Variants in HNF4A observed in about 807,000 individuals in gnomAD.
HNF4A encodes the protein hepatocyte nuclear factor 4-alpha.
In HNF4A, 15 loss-of-function variants were observed where a neutral mutation model predicts 52.4. The ratio of observed to expected loss-of-function variants is 0.29; its 90% confidence interval spans 0.19 to 0.44. HNF4A has a LOEUF of 0.44. Ranked by LOEUF, HNF4A falls within the 20% of genes least tolerant of loss-of-function variation. HNF4A has a pLI of 1.00. For synonymous variants in HNF4A, 280 were observed against 264.4 expected, an observed-to-expected ratio of 1.06 and a Z score of -0.57; for missense variants, 479 against 647.2, an observed-to-expected ratio of 0.74 and a Z score of 2.82.
intron 9 of HNF4A, among the ~76,000 whole-genome samples, chr20:44,428,921 CA>C (rs1370743374): frequency 6.6e-6 from 1 of 152,108 alleles, no homozygotes; most frequent in Non-Finnish European, 1.5e-5. Context: ...TGTCATTGGG[CA>C]AAGCTCTTCA....
intron 6 of HNF4A, among the ~76,000 whole-genome samples, chr20:44,419,285 T>A (rs1426171675): frequency 6.6e-6 from 1 of 152,228 alleles, no homozygotes; most frequent in East Asian, 1.9e-4. Context: ...GCTCGATTAT[T>A]TATCCTCATC....
chr20:44,369,241 C>T (rs2063004976), intron 1 of HNF4A, among the ~76,000 whole-genome samples: 1 of 103,532 alleles, frequency 9.7e-6, no homozygotes, highest in Admixed American at 1.2e-4. Context: ...AAGAGCAAAA[C>T]TCCATCTCAA....
intron 7 of HNF4A, among the ~76,000 whole-genome samples, chr20:44,420,632 T>A (rs1033464431): frequency 6.6e-6 from 1 of 151,818 alleles, no homozygotes; most frequent in Non-Finnish European, 1.5e-5. Context: ...CTAAAAAAAA[T>A]TAGCCAGGGA....
At chr20:44,426,563 G>T (rs569169574) in intron 8 of HNF4A, among the ~76,000 whole-genome samples, 6 of 152,184 alleles carry the variant, frequency 3.9e-5, no homozygotes, top group East Asian at 1.9e-4. Flanking sequence ...TAGCACTTTG[G>T]GAGGCCGAGG....
chr20:44,407,296 G>A, intron 2 of HNF4A, 85 bp from the exon 3 acceptor site: 1 of 987,200 alleles, frequency 1.0e-6, no homozygotes, highest in Non-Finnish European at 1.6e-6. Flanking sequence ...AGGTTGGGGG[G>A]TCAACTGGAT....
chr20:44,377,088 T>C lies in HNF4A; in HGVS notation c.49+21235T>C, dbSNP rs114472711. 3.6e-3 allele frequency among the ~76,000 whole-genome samples: 548 copies of C among 152,162 alleles called. 9 individuals are homozygous for C. The highest frequency in any genetic ancestry group is 0.012 in the African/African-American group (493 of 41,508). On this transcript the variant is annotated intron_variant, in intron 1 of 9. Coordinates refer to the HNF4A transcript ENST00000316673. ...AAATAGATAAAATGCTGTGTATCCATGAAGTACTATACAGTCATAAAAAAG... is the reference window on the plus strand; with the variant it reads ...AAATAGATAAAATGCTGTGTATCCACGAAGTACTATACAGTCATAAAAAAG...
chr20:44,414,603 G>T lies in HNF4A; in HGVS notation c.589G>T (p.Val197Phe). The T allele has an allele frequency of 1.9e-6, 3 of 1,614,142 alleles. No individual in the cohort carries two copies. The highest frequency in any genetic ancestry group is 2.5e-6 in the Non-Finnish European group (3 of 1,180,002). ...TGAGTCCATGAAGGAGCAGCTGCTG[G>T]TTCTCGTTGAGTGGGCCAAGTACAT... The change falls in exon 5 of 10, where the codon GTT (valine) becomes TTT (phenylalanine). Residue 197 changes from valine to phenylalanine, a missense_variant. Val to Phe is a conservative substitution (Grantham distance 50). Around this residue, in one of 3 missense-constraint regions of HNF4A, gnomAD observed 389 missense variants for 525.1 expected, o/e 0.74. Coordinates refer to ENST00000316099, the MANE Select transcript of HNF4A (RefSeq NM_000457.6).
chr20:44,377,432 G>A (rs2063097465), intron 1 of HNF4A, among the ~76,000 whole-genome samples: 2 of 152,024 alleles, frequency 1.3e-5, no homozygotes, highest in South Asian at 2.1e-4. Flanking sequence ...CTCCTGATTC[G>A]AAAATAAAAG....
chr20:44,428,571 T>A, intron 9 of HNF4A, 84 bp downstream of exon 9: 1 of 1,367,710 alleles, frequency 7.3e-7, no homozygotes. Flanking sequence ...GTCTAGAAGG[T>A]AGAACCAGGA....
At chr20:44,370,611 C>A (rs2146203834) in intron 1 of HNF4A, among the ~76,000 whole-genome samples, 1 of 152,340 alleles carries the variant, frequency 6.6e-6, no homozygotes, top group East Asian at 1.9e-4. Context: ...GTCTCCTTCA[C>A]AGAAGTTCCA....
chr20:44,358,139 A>C (rs1033650409), intron 1 of HNF4A, among the ~76,000 whole-genome samples: 3 of 149,190 alleles, frequency 2.0e-5, no homozygotes, highest in African/African-American at 7.5e-5. Context: ...TTAAAAAAAA[A>C]AAACAAAACA....
chr20:44,415,473 G>A (rs778556456), intron 5 of HNF4A, among the ~76,000 whole-genome samples: 4 of 152,126 alleles, frequency 2.6e-5, no homozygotes, highest in Admixed American at 6.5e-5. Flanking sequence ...GATGAATTTC[G>A]GAGATGCCAC....
chr20:44,429,954 C>T lies in HNF4A; in HGVS notation c.*289C>T, dbSNP rs968542590. ...ACCTTCACCTTCATCCATGTCCAAC[C>T]CCCGACTTCATCCCAAAGGACAGCC... On this transcript the variant is annotated 3_prime_UTR_variant, in exon 10 of 10. Coordinates refer to ENST00000316099, the MANE Select transcript of HNF4A (RefSeq NM_000457.6). 2 of 444,224 alleles carry T rather than the reference C, an allele frequency of 4.5e-6. No homozygotes were observed. The highest frequency in any genetic ancestry group is 8.1e-6 in the Non-Finnish European group (2 of 246,182). 27.5% of individuals were successfully genotyped at this position (444,224 alleles called of 1,614,324 possible).
intron 7 of HNF4A, among the ~76,000 whole-genome samples, chr20:44,421,915 G>C (rs1407801844): frequency 2.7e-5 from 4 of 148,902 alleles, no homozygotes; most frequent in African/African-American, 9.8e-5. Context: ...TATAGAGAGA[G>C]TGATGAAGTG....
At chr20:44,410,968 A>G (rs1372938475) in intron 3 of HNF4A, among the ~76,000 whole-genome samples, 1 of 152,070 alleles carries the variant, frequency 6.6e-6, no homozygotes, top group African/African-American at 2.4e-5. Flanking sequence ...CATGGCTGGA[A>G]GGGGCTCCCT....
intron 1 of HNF4A, among the ~76,000 whole-genome samples, chr20:44,386,823 T>C (rs981507064): frequency 6.6e-6 from 1 of 152,238 alleles, no homozygotes. Flanking sequence ...TTCTAAATGT[T>C]GGAGCACATA....
At chr20:44,427,485 T>G (rs1201885335) in intron 8 of HNF4A, among the ~76,000 whole-genome samples, 1 of 152,244 alleles carries the variant, frequency 6.6e-6, no homozygotes, top group Non-Finnish European at 1.5e-5. Flanking sequence ...TATTTATCAC[T>G]GAAATAGATG....
At chr20:44,400,424 C>T (rs1029969571), upstream of HNF4A, among the ~76,000 whole-genome samples, 1 of 152,088 alleles carries the variant, frequency 6.6e-6, no homozygotes, top group African/African-American at 2.4e-5. Context: ...TCAAACCACC[C>T]TTTGAAGTTG....
intron 1 of HNF4A, among the ~76,000 whole-genome samples, chr20:44,394,524 T>C (rs2063335077): frequency 6.6e-6 from 1 of 152,152 alleles, no homozygotes; most frequent in Admixed American, 6.5e-5. Context: ...CTAAAGATTC[T>C]CCTGGCTCTG....
Sources: allele counts gnomAD v4.1 joint callset (sites outside exome capture counted in the v4.1 genomes callset), GRCh38; gene constraint gnomAD v4.1.1; regional missense constraint gnomAD v4.1.1; transcripts MANE v1.5; gene names NCBI Gene and HGNC (gene_info 2026-07-23, HGNC 2026-07-21).